The following LYRM4 variants were observed in gnomAD, a reference collection of about 807,000 sequenced individuals.
LYRM4 encodes the protein LYR motif containing 4, also known as LYR motif-containing protein 4.
In LYRM4, 9 loss-of-function variants were observed where a neutral mutation model predicts 11.7. The ratio of observed to expected loss-of-function variants is 0.77; its 90% CI spans 0.46 to 1.34. The LOEUF (loss-of-function observed/expected upper bound fraction) is 1.34. Among genes scored for constraint, LYRM4 ranks in the 40% most tolerant of loss-of-function variants. The pLI, the probability that LYRM4 is intolerant of heterozygous loss-of-function variation, is 0.00. For missense variants in LYRM4, 133 were observed against 112.5 expected (o/e 1.18, Z -0.82); for synonymous variants, 42 against 40.4 (o/e 1.04, Z -0.15).
intron 2 of LYRM4, among the ~76,000 whole-genome samples, chr6:5,132,474 T>C (rs1215403576): frequency 6.6e-6 from 1 of 152,214 alleles, no homozygotes; most frequent in African/African-American, 2.4e-5. Flanking sequence ...TCTTCTATTC[T>C]TTCTAATTAA....
chr6:5,161,825 C>T (rs1040959642), intron 2 of LYRM4, among the ~76,000 whole-genome samples: 16 of 152,266 alleles, frequency 1.1e-4, no homozygotes, highest in East Asian at 3.9e-4. Flanking sequence ...GACACATGAA[C>T]GATCTAGGCC....
chr6:5,054,050 A>G, the LYRM4 span: 1,724 of 868,696 alleles, frequency 2.0e-3, 22 homozygotes, highest in African/African-American at 0.029. Flanking sequence ...AGGGTACACA[A>G]TGTTTTCTAG....
intron 2 of LYRM4, among the ~76,000 whole-genome samples, chr6:5,180,117 T>C (rs182157944): frequency 3.2e-4 from 49 of 152,286 alleles, no homozygotes; most frequent in African/African-American, 1.1e-3. Flanking sequence ...AATCTGACAA[T>C]GCCAGCATGT....
At chr6:5,248,892 C>T in intron 1 of LYRM4, among the ~76,000 whole-genome samples, 1 of 152,318 alleles carries the variant, frequency 6.6e-6, no homozygotes, top group East Asian at 1.9e-4. Context: ...TGGCGCAAGG[C>T]AGGTACCCAA....
chr6:5,095,837 A>T, the LYRM4 span, among the ~76,000 whole-genome samples: 1 of 151,764 alleles, frequency 6.6e-6, no homozygotes, highest in Non-Finnish European at 1.5e-5. Flanking sequence ...AAAATTAGCC[A>T]GGCGTGGTGG....
chr6:5,188,821 T>C (rs1760575090), intron 2 of LYRM4, among the ~76,000 whole-genome samples: 1 of 152,220 alleles, frequency 6.6e-6, no homozygotes, highest in South Asian at 2.1e-4. Flanking sequence ...TGGAGTGCAG[T>C]GGCGCAATCA....
intron 2 of LYRM4, among the ~76,000 whole-genome samples, chr6:5,209,522 CG>C (rs776281390): frequency 6.6e-6 from 1 of 152,252 alleles, no homozygotes; most frequent in East Asian, 1.9e-4. Flanking sequence ...GTGCTGCTGG[CG>C]TATGCTTTTA....
At chr6:5,171,711 T>C (rs1243616884) in intron 2 of LYRM4, among the ~76,000 whole-genome samples, 1 of 152,244 alleles carries the variant, frequency 6.6e-6, no homozygotes, top group Admixed American at 6.5e-5. Flanking sequence ...CACCTCTTTC[T>C]GTGGCGAAAA....
chr6:5,239,903 C>T (rs963146385), intron 1 of LYRM4, among the ~76,000 whole-genome samples: 4 of 152,148 alleles, frequency 2.6e-5, no homozygotes, highest in African/African-American at 7.2e-5. Context: ...GGGAACAGTA[C>T]CTGGCCATGG....
At position 5,121,987 on chromosome 6, in the gene LYRM4, G is replaced by C. The variant is rs564061088; in HGVS notation, c.208-12496C>G. On this transcript the variant is annotated intron_variant, in intron 2 of 2. Coordinates refer to ENST00000330636, the MANE Select transcript of LYRM4 (RefSeq NM_020408.6). Reference sequence around the variant, plus strand: ...TTGACAAACTTTCTGGGGCAATCAGGCTGCCTGTTGTTATTTTACTCCTCC... The same window carrying C: ...TTGACAAACTTTCTGGGGCAATCAGCCTGCCTGTTGTTATTTTACTCCTCC... Among the ~76,000 whole-genome samples, 2 of 152,302 alleles carry C rather than the reference G, an allele frequency of 1.3e-5. 1 individual carries two copies. Among genetic ancestry groups the C allele is most frequent in the South Asian group, 4.1e-4 (2 of 4,826 alleles).
the LYRM4 span, among the ~76,000 whole-genome samples, chr6:5,080,842 T>C: frequency 6.6e-6 from 1 of 152,128 alleles, no homozygotes; most frequent in African/African-American, 2.4e-5. Context: ...TTGTTTGACA[T>C]TTCCCAGCCC....
At chr6:5,181,605 C>T (rs1002909944) in intron 2 of LYRM4, among the ~76,000 whole-genome samples, 3 of 152,212 alleles carry the variant, frequency 2.0e-5, no homozygotes, top group South Asian at 4.1e-4. Context: ...GCCCCTGCCT[C>T]CTGACCACGC....
chr6:5,144,241 C>A (rs1262629753), intron 2 of LYRM4: 8 of 1,536,832 alleles, frequency 5.2e-6, no homozygotes, highest in African/African-American at 1.4e-5. Flanking sequence ...TTCCTCCTGG[C>A]GGCTGTGCCT....
chr6:5,146,263 G>C (rs1422540771), intron 2 of LYRM4, among the ~76,000 whole-genome samples: 1 of 152,184 alleles, frequency 6.6e-6, no homozygotes, highest in Non-Finnish European at 1.5e-5. Flanking sequence ...GTGCTGAGGG[G>C]TCCCTTATTG....
chr6:5,170,152 GGGTT>G (rs1759340384), intron 2 of LYRM4, among the ~76,000 whole-genome samples: 1 of 152,210 alleles, frequency 6.6e-6, no homozygotes. Flanking sequence ...GGATGCCAAA[GGGTT>G]TTGGATCTGA....
chr6:5,217,185 T>C (rs187668947), intron 1 of LYRM4, among the ~76,000 whole-genome samples: 112 of 152,340 alleles, frequency 7.4e-4, no homozygotes, highest in Non-Finnish European at 1.1e-3. Context: ...AGAGGTTACA[T>C]GACGATCGTA....
Position 5,260,932 on chromosome 6 carries a change from G to A in LYRM4, c.-199C>T. On this transcript the variant is annotated 5_prime_UTR_variant, in exon 1 of 3. Coordinates refer to ENST00000330636, the MANE Select transcript of LYRM4 (RefSeq NM_020408.6). Reference sequence around the variant, plus strand: ...CCAGGCGTCCCGCGCCGCTTCGGGGGCGGGCGCAGGCAGGGCTCGGGGCAG... The same window carrying A: ...CCAGGCGTCCCGCGCCGCTTCGGGGACGGGCGCAGGCAGGGCTCGGGGCAG... 1 of 1,353,988 alleles carries A rather than the reference G, an allele frequency of 7.4e-7. No homozygotes were observed. The highest frequency in any genetic ancestry group is 9.5e-7 in the Non-Finnish European group (1 of 1,057,632). 83.9% of individuals were successfully genotyped at this position (1,353,988 alleles called of 1,614,324 possible).
chr6:5,146,088 G>A (rs1757706895), intron 2 of LYRM4, among the ~76,000 whole-genome samples: 1 of 152,188 alleles, frequency 6.6e-6, no homozygotes, highest in Non-Finnish European at 1.5e-5. Flanking sequence ...CCACCTCATG[G>A]CACATGGTGC....
chr6:5,038,428 C>G, the LYRM4 span, among the ~76,000 whole-genome samples: 3 of 66,142 alleles, frequency 4.5e-5, no homozygotes, highest in Non-Finnish European at 1.1e-4. Context: ...AGAGGCTCCC[C>G]GTATCCCAGA....
Sources: allele counts gnomAD v4.1 joint callset (sites outside exome capture counted in the v4.1 genomes callset), GRCh38; gene constraint gnomAD v4.1.1; transcripts MANE v1.5; gene names NCBI Gene and HGNC (gene_info 2026-07-23, HGNC 2026-07-21).